FRMPD4: variants seen among roughly 807,000 people sequenced by gnomAD.
The protein encoded by FRMPD4 is FERM and PDZ domain containing 4.
FRMPD4 carries 22 observed loss-of-function variants against 94.1 expected under a neutral mutation model. That is an observed-to-expected ratio of 0.23 (90% CI 0.17 to 0.33). The LOEUF (loss-of-function observed/expected upper bound fraction) is 0.33, where lower values mean the gene tolerates loss of function less well. Ranked by LOEUF, FRMPD4 falls within the 10% of genes least tolerant of loss-of-function variation. The pLI is 1.00. For synonymous variants in FRMPD4, 631 were observed against 548.6 expected (o/e 1.15, Z -2.10); for missense variants, 1,111 against 1,339.9 (o/e 0.83, Z 2.67).
At chrX:12,402,249 A>AC (rs11297309) in intron 1 of FRMPD4, among the ~76,000 whole-genome samples, 1,756 of 106,917 alleles carry the variant, frequency 0.016, 45 homozygotes, top group African/African-American at 0.054. Context: ...CTTCTGCGCC[A>AC]CCCCCCCCAC....
intron 3 of FRMPD4, among the ~76,000 whole-genome samples, chrX:11,956,116 C>G (rs2054255895): frequency 8.9e-6 from 1 of 111,820 alleles, no homozygotes; most frequent in African/African-American, 3.2e-5. Flanking sequence ...AGTTTTGACA[C>G]AAGCAGACAG....
intron 3 of FRMPD4, among the ~76,000 whole-genome samples, chrX:11,962,644 G>T (rs1038906020): frequency 9.0e-6 from 1 of 111,713 alleles, no homozygotes; most frequent in Non-Finnish European, 1.9e-5. Flanking sequence ...ACTGCATGCT[G>T]ACACCCTGCC....
intron 3 of FRMPD4, among the ~76,000 whole-genome samples, chrX:12,128,110 G>A (rs956276670): frequency 1.8e-5 from 2 of 112,789 alleles, no homozygotes; most frequent in African/African-American, 6.4e-5. Flanking sequence ...ACCATTCTGG[G>A]TTCTGGAGGA....
At chrX:12,072,011 G>A (rs1019015650) in intron 3 of FRMPD4, among the ~76,000 whole-genome samples, 2 of 111,060 alleles carry the variant, frequency 1.8e-5, no homozygotes, top group Non-Finnish European at 3.8e-5. Context: ...TTTATTTAGA[G>A]CCAGGGTCTT....
At chrX:12,027,418 A>G (rs2054667070) in intron 3 of FRMPD4, among the ~76,000 whole-genome samples, 1 of 112,232 alleles carries the variant, frequency 8.9e-6, no homozygotes, top group South Asian at 3.7e-4. Flanking sequence ...ATTTGATGCC[A>G]TCATGTGATG....
At chrX:12,111,545 G>A (rs1476711350) in intron 3 of FRMPD4, among the ~76,000 whole-genome samples, 4 of 111,300 alleles carry the variant, frequency 3.6e-5, no homozygotes, top group African/African-American at 1.3e-4. Flanking sequence ...AAAAGCAATG[G>A]CAACAAAAGC....
At chrX:12,056,959 A>C (rs887977324) in intron 3 of FRMPD4, among the ~76,000 whole-genome samples, 1 of 112,138 alleles carries the variant, frequency 8.9e-6, no homozygotes, top group African/African-American at 3.2e-5. Flanking sequence ...TTCTTTGAGA[A>C]TAAATTATGT....
At chrX:12,376,273 G>A (rs1016788645) in intron 1 of FRMPD4, among the ~76,000 whole-genome samples, 2 of 112,364 alleles carry the variant, frequency 1.8e-5, no homozygotes, top group South Asian at 7.5e-4. Flanking sequence ...CTCCCTGTGA[G>A]CAATCATAAT....
chrX:11,845,973 A>G (rs1314274755), intron 1 of FRMPD4, among the ~76,000 whole-genome samples: 7 of 104,879 alleles, frequency 6.7e-5, no homozygotes, highest in Non-Finnish European at 1.4e-4. Context: ...CTGGCACAAG[A>G]CAGGGATGCC....
At chrX:12,376,567 C>T (rs1259585054) in intron 1 of FRMPD4, among the ~76,000 whole-genome samples, 5 of 112,353 alleles carry the variant, frequency 4.5e-5, no homozygotes, top group Non-Finnish European at 9.4e-5. Flanking sequence ...CCCATTGACT[C>T]CTACGATGAG....
At chrX:12,621,855 TAAGGAAAGGAAA>T (rs2059291757) in intron 4 of FRMPD4, among the ~76,000 whole-genome samples, 1 of 36,693 alleles carries the variant, frequency 2.7e-5, no homozygotes, top group Non-Finnish European at 4.7e-5. Context: ...AAGGAAGTAA[TAAGGAAAGGAAA>T]AAGGAAAGGA....
At chrX:11,841,521 G>A (rs1271316873) in intron 1 of FRMPD4, among the ~76,000 whole-genome samples, 1 of 109,039 alleles carries the variant, frequency 9.2e-6, no homozygotes, top group African/African-American at 3.3e-5. Flanking sequence ...TTTTTCATGT[G>A]TTTTTTGGCT....
At chrX:12,362,183 T>C (rs2055999385) in intron 1 of FRMPD4, among the ~76,000 whole-genome samples, 1 of 110,456 alleles carries the variant, frequency 9.1e-6, no homozygotes, top group Admixed American at 9.6e-5. Flanking sequence ...CGATTCTTTT[T>C]TTTTTTTAGT....
At chrX:11,979,962 A>G (rs1223425230) in intron 3 of FRMPD4, among the ~76,000 whole-genome samples, 1 of 111,778 alleles carries the variant, frequency 8.9e-6, no homozygotes, top group Non-Finnish European at 1.9e-5. Flanking sequence ...TCTATTTGCT[A>G]AAGGTTTCTG....
rs1474194824 is a variant in FRMPD4 at position 12,257,970 on chromosome X, G to GC, written c.41+118961dup. On this transcript the variant is annotated intron_variant, in intron 1 of 16. Transcript: ENST00000675598. The stretch of plus-strand genomic sequence containing the variant: ...TTTACCTTATCCTTCCTGATCAACT[G>GC]CCCTCAGCCTTTAATACTAGTCTAG... Among the ~76,000 whole-genome samples the GC allele has an allele frequency of 3.4e-4, 37 of 108,677 alleles. 1 individual carries two copies. The highest frequency in any genetic ancestry group is 1.2e-3 in the African/African-American group (36 of 29,833). The allele number at this position is 108,677 out of a possible 115,157, so 94.4% of individuals were successfully genotyped here.
rs113868037 is a variant in FRMPD4 at position 12,336,086 on chromosome X, A to AT, written c.42-162582dup. On this transcript the variant is annotated intron_variant, in intron 1 of 16. Coordinates refer to ENST00000675598, the MANE Select transcript of FRMPD4 (RefSeq NM_001368397.1). ...GAAAATAACTTTTCTAATTTCCAAGATTTTTTTTTTTTGGTCAAAAGGCAG... is the reference window on the plus strand; with the variant it reads ...GAAAATAACTTTTCTAATTTCCAAGATTTTTTTTTTTTTGGTCAAAAGGCAG... Among the ~76,000 whole-genome samples, 361 of 105,336 alleles carry AT rather than the reference A, an allele frequency of 3.4e-3. 1 individual carries two copies. Among genetic ancestry groups the AT allele is most frequent in the Admixed American group, 3.9e-3 (38 of 9,807 alleles). 91.5% of individuals were successfully genotyped at this position (105,336 alleles called of 115,157 possible).
At chrX:12,379,412 A>G (rs2056287723) in intron 1 of FRMPD4, among the ~76,000 whole-genome samples, 1 of 111,828 alleles carries the variant, frequency 8.9e-6, no homozygotes, top group Non-Finnish European at 1.9e-5. Context: ...GCTGAAGTGC[A>G]GTTATGTGGA....
At chrX:11,888,433 C>A (rs774367105) in intron 3 of FRMPD4, among the ~76,000 whole-genome samples, 2 of 112,006 alleles carry the variant, frequency 1.8e-5, no homozygotes, top group African/African-American at 6.5e-5. Context: ...TTATGTGTGC[C>A]ATAGCAAAAA....
chrX:12,242,542 C>G (rs987221128), intron 1 of FRMPD4, among the ~76,000 whole-genome samples: 1 of 112,286 alleles, frequency 8.9e-6, no homozygotes, highest in African/African-American at 3.2e-5. Context: ...AATTGCCAAA[C>G]TATTTAACAT....
Sources: gnomAD v4.1 joint callset for allele counts (sites outside exome capture counted in the v4.1 genomes callset) on GRCh38, gnomAD v4.1.1 for gene constraint, MANE v1.5 for transcripts, NCBI Gene and HGNC (gene_info 2026-07-23, HGNC 2026-07-21) for gene names.